Variants in PRRT3 observed in about 807,000 individuals in gnomAD.
The protein encoded by PRRT3 is proline rich transmembrane protein 3.
In PRRT3, 48 loss-of-function variants were observed where a neutral mutation model predicts 56.6. That is an observed-to-expected ratio of 0.85 (90% confidence interval 0.67 to 1.08). The LOEUF (loss-of-function observed/expected upper bound fraction) is 1.08, where lower values mean the gene tolerates loss of function less well. Among genes scored for constraint, PRRT3 ranks in the 50% least tolerant of loss-of-function variants. PRRT3 has a pLI of 0.00. For missense variants in PRRT3, 1,370 were observed against 1,353.1 expected, an observed-to-expected ratio of 1.01 and a Z score of -0.20; for synonymous variants, 641 against 619.1, an observed-to-expected ratio of 1.04 and a Z score of -0.52.
Position 9,946,074 on chromosome 3 carries a change from G to T in PRRT3, c.*153C>A. 8.5e-7 allele frequency: 1 copy of T among 1,171,994 alleles called. No homozygotes were observed. The highest frequency in any genetic ancestry group is 1.2e-6 in the Non-Finnish European group (1 of 863,246). 72.6% of individuals were successfully genotyped at this position (1,171,994 alleles called of 1,614,324 possible). On this transcript the variant is annotated 3_prime_UTR_variant, in exon 4 of 4. Transcript: ENST00000412055. The surrounding 1 kb of genome is among the most constrained non-coding windows in gnomAD (Gnocchi z 4.1). ...GCTGATCTCGAACTCCTGACCTCGTGTTCCACCCACCTCGGCCTCCCAAAG... is the reference window on the plus strand; with the variant it reads ...GCTGATCTCGAACTCCTGACCTCGTTTTCCACCCACCTCGGCCTCCCAAAG...
At chr3:9,951,546 C>T (rs923153082) in intron 1 of PRRT3, among the ~76,000 whole-genome samples, 7 of 152,222 alleles carry the variant, frequency 4.6e-5, no homozygotes, top group Non-Finnish European at 1.0e-4. Context: ...ATTTCTCAAA[C>T]ATTCACGGAG....
In PRRT3 at chr3:9,946,623, C is replaced by G; in HGVS notation, c.2550G>C (p.Pro850=). Residue 850 remains proline (P), a synonymous_variant, in exon 4 of 4, where the codon CCG becomes CCC. Transcript: ENST00000412055. This position sits in a 1 kb window ranked among gnomAD's most constrained non-coding sequence, Gnocchi z 4.1. ...CGGCTTTGGGATGGCTGCCCCGGCG[C>G]GGCCGCAGAGCGCCTCCAGGCGGCG... ...ASPPPGGALR[P]RRGSHPKAEL... 1 of 1,393,650 alleles carries G rather than the reference C, an allele frequency of 7.2e-7. No individual in the cohort carries two copies. The highest frequency in any genetic ancestry group is 9.2e-7 in the Non-Finnish European group (1 of 1,082,620). The allele number at this position is 1,393,650 out of a possible 1,614,324, so 86.3% of individuals were successfully genotyped here.
chr3:9,948,266 C>T, intron 3 of PRRT3: 1 of 376,622 alleles, frequency 2.7e-6, no homozygotes, highest in Non-Finnish European at 4.7e-6. Context: ...ACATGGGCTG[C>T]ATATTAGAAT....
chr3:9,945,936 C>A lies in PRRT3; in HGVS notation c.*291G>T. 1 of 242,770 alleles carries A rather than the reference C, an allele frequency of 4.1e-6. No homozygotes were observed. The highest frequency in any genetic ancestry group is 7.8e-6 in the Non-Finnish European group (1 of 128,172). The allele number at this position is 242,770 out of a possible 1,614,324, so 15.0% of individuals were successfully genotyped here. ...TGCAACCTCTGCCTCCCTGTTCAAG[C>A]AATTCTCCCGCCTCAGCCTCCCGAG... On this transcript the variant is annotated 3_prime_UTR_variant, in exon 4 of 4. Transcript: ENST00000412055.
At position 9,947,537 on chromosome 3, in the gene PRRT3, G is replaced by T. The variant is rs2085547907; in HGVS notation, c.1636C>A (p.Pro546Thr). Residue 546 changes from proline (P) to threonine (T), a missense_variant, in exon 4 of 4, where the codon CCC becomes ACC. By Grantham distance (38) the Pro-to-Thr change is conservative. Transcript: ENST00000412055. This position sits in a 1 kb window ranked among gnomAD's most constrained non-coding sequence, Gnocchi z 9.2. ...GGLVLYNLPF[P>T]LLLTALAALT... ...GCTGCCAGCGCCGTAAGCAGCAAGG[G>T]GAAGGGCAGGTTGTAGAGCACCAGG... is the stretch of plus-strand genomic sequence containing the variant. 1 of 1,611,460 alleles carries T rather than the reference G, an allele frequency of 6.2e-7. No individual in the cohort carries two copies. Among genetic ancestry groups the T allele is most frequent in the Admixed American group, 1.7e-5 (1 of 59,958 alleles).
In PRRT3 at chr3:9,947,480, G is replaced by A; in HGVS notation, c.1693C>T (p.Pro565Ser). The change falls in exon 4 of 4, where the codon CCG becomes TCG. Residue 565 changes from proline to serine, a missense_variant. Pro to Ser is a moderately conservative substitution (Grantham distance 74, BLOSUM62 -1). Coordinates refer to ENST00000412055, the MANE Select transcript of PRRT3 (RefSeq NM_207351.5). This position sits in a 1 kb window ranked among gnomAD's most constrained non-coding sequence, Gnocchi z 9.2. ...AGGAGTGGGTTTTGCAGCGGTGGCGGCAGCCCCGCGCCCAGGCCGAGCAGA... is the reference window on the plus strand; with the variant it reads ...AGGAGTGGGTTTTGCAGCGGTGGCGACAGCCCCGCGCCCAGGCCGAGCAGA... ...LTLLGLGAGL[P>S]PPLQNPLLLG... 2.5e-6 allele frequency: 4 copies of A among 1,612,268 alleles called. No homozygotes were observed. Among genetic ancestry groups the A allele is most frequent in the Non-Finnish European group, 3.4e-6 (4 of 1,179,628 alleles).
rs376347886 is a variant in PRRT3 at position 9,949,534 on chromosome 3, G to T, written c.582C>A (p.Ser194Arg). 1.4e-5 allele frequency: 22 copies of T among 1,613,968 alleles called. No individual in the cohort carries two copies. The African/African-American group carries it at 2.9e-4, about 22-fold the overall frequency. The change falls in exon 2 of 4, where the codon AGC (serine) becomes AGA (arginine). Residue 194 changes from serine (S) to arginine (R), a missense_variant. Ser to Arg is a moderately radical substitution (Grantham distance 110). Coordinates refer to ENST00000412055, the MANE Select transcript of PRRT3 (RefSeq NM_207351.5). This position sits in a 1 kb window ranked among gnomAD's most constrained non-coding sequence, Gnocchi z 4.5. ...RDEGLKAKTK[S>R]RVPPTSPSDH... is the part of the protein sequence containing the mutation. The stretch of plus-strand genomic sequence containing the variant: ...CTGAGGGAGAAGTGGGTGGGACCCT[G>T]CTCTTAGTTTTGGCCTTCAGACCCT...
chr3:9,947,235 C>T lies in PRRT3; in HGVS notation c.1938G>A (p.Leu646=), dbSNP rs1326672992. The T allele has an allele frequency of 6.7e-7, 1 of 1,492,554 alleles. No homozygotes were observed. The highest frequency in any genetic ancestry group is 2.2e-5 in the Admixed American group (1 of 44,762). 92.5% of individuals were successfully genotyped at this position (1,492,554 alleles called of 1,614,324 possible). Reference sequence around the variant, plus strand: ...GCTGCAAGCCGCTAGCCAGCAGCCCCAGCGCGCCCGCCACAGCCAACAGCC... The same window carrying T: ...GCTGCAAGCCGCTAGCCAGCAGCCCTAGCGCGCCCGCCACAGCCAACAGCC... ...GPRLLAVAGA[L]GLLASGLQLA... is the part of the protein sequence containing the mutation. The change falls in exon 4 of 4, where the codon CTG becomes CTA. Residue 646 remains leucine (L), a synonymous_variant. Coordinates refer to ENST00000412055, the MANE Select transcript of PRRT3 (RefSeq NM_207351.5). This position sits in a 1 kb window ranked among gnomAD's most constrained non-coding sequence, Gnocchi z 9.2.
chr3:9,948,126 C>A, intron 3 of PRRT3, 125 bp from the exon 4 acceptor site: 2 of 1,019,814 alleles, frequency 2.0e-6, no homozygotes. Flanking sequence ...ATAACAGCAC[C>A]TGCCTCATTG....
At position 9,946,542 on chromosome 3, in the gene PRRT3, GTCGCTGAGCGAC is replaced by G; in HGVS notation, c.2619_2630del (p.Arg873_Asp877delinsSer). ...GTGGGACCGGCCCGCGCACGCGCAC[GTCGCTGAGCGAC>G]CTGCAGCGGCCGCGGAGGAGCGAGG... On this transcript the variant is annotated inframe_deletion, in exon 4 of 4. Transcript: ENST00000412055. This position sits in a 1 kb window ranked among gnomAD's most constrained non-coding sequence, Gnocchi z 4.1. 6.9e-7 allele frequency: 1 copy of G among 1,446,212 alleles called. No homozygotes were observed. Among genetic ancestry groups the G allele is most frequent in the Non-Finnish European group, 9.1e-7 (1 of 1,097,670 alleles). 89.6% of individuals were successfully genotyped at this position (1,446,212 alleles called of 1,614,324 possible).
At chr3:9,951,444 G>T (rs560129586) in intron 1 of PRRT3, among the ~76,000 whole-genome samples, 1 of 152,314 alleles carries the variant, frequency 6.6e-6, no homozygotes, top group African/African-American at 2.4e-5. Context: ...CAGGCTCACC[G>T]AAAGTTGTGA....
rs375746344 is a variant in PRRT3 at position 9,949,069 on chromosome 3, G to A, written c.1015+32C>T. 1.2e-5 allele frequency: 18 copies of A among 1,552,734 alleles called. No individual in the cohort carries two copies. Among genetic ancestry groups the A allele is most frequent in the Non-Finnish European group, 1.2e-5 (14 of 1,155,978 alleles). On this transcript the variant is annotated intron_variant, in intron 2 of 3. Transcript: ENST00000412055. This position sits in a 1 kb window ranked among gnomAD's most constrained non-coding sequence, Gnocchi z 4.5. ...AGAATTGAGGCATCCAGCTGCCCCA[G>A]AACATCGCTCAGCACACTCATTGAT...
In PRRT3 at chr3:9,946,290, C is replaced by T. The variant is rs1391268747; in HGVS notation, c.2883G>A (p.Glu961=). 2 of 1,612,740 alleles carry T rather than the reference C, an allele frequency of 1.2e-6. No homozygotes were observed. The highest frequency in any genetic ancestry group is 1.7e-6 in the Non-Finnish European group (2 of 1,179,866). ...TAARQGDGQG[E]VQPRGKPGES... ...CCCCAGGCTTGCCGCGCGGCTGGAC[C>T]TCTCCCTGGCCGTCCCCCTGCCGAG... Residue 961 remains glutamate, a synonymous_variant, in exon 4 of 4, where the codon GAG becomes GAA. Coordinates refer to ENST00000412055, the MANE Select transcript of PRRT3 (RefSeq NM_207351.5). This position sits in a 1 kb window ranked among gnomAD's most constrained non-coding sequence, Gnocchi z 4.1.
rs1411920297 is a variant in PRRT3, at chr3:9,946,556, T to G, written c.2617A>C (p.Arg873=). ...AGSSLLRGRC[R]SLSDVRVRGP... ...CGCACGCGCACGTCGCTGAGCGACCTGCAGCGGCCGCGGAGGAGCGAGGAG... is the reference window on the plus strand; with the variant it reads ...CGCACGCGCACGTCGCTGAGCGACCGGCAGCGGCCGCGGAGGAGCGAGGAG... Residue 873 remains arginine (R), a synonymous_variant, in exon 4 of 4, where the codon AGG becomes CGG. Coordinates refer to ENST00000412055, the MANE Select transcript of PRRT3 (RefSeq NM_207351.5). The surrounding 1 kb of genome is among the most constrained non-coding windows in gnomAD (Gnocchi z 4.1). 17 of 1,427,046 alleles carry G rather than the reference T, an allele frequency of 1.2e-5. No homozygotes were observed. The highest frequency in any genetic ancestry group is 7.5e-5 in the South Asian group (5 of 67,082). 88.4% of individuals were successfully genotyped at this position (1,427,046 alleles called of 1,614,324 possible).
chr3:9,951,531 A>G (rs943091217), intron 1 of PRRT3, among the ~76,000 whole-genome samples: 1 of 152,216 alleles, frequency 6.6e-6, no homozygotes, highest in Non-Finnish European at 1.5e-5. Flanking sequence ...AAGCCTTGTT[A>G]GTTCATTTCT....
chr3:9,948,547 C>G (rs748986736), intron 3 of PRRT3: 1 of 606,052 alleles, frequency 1.7e-6, no homozygotes, highest in Middle Eastern at 3.8e-4. Flanking sequence ...TTAGAACATT[C>G]TAGCCCCAAA....
chr3:9,949,121 G>C lies in PRRT3; in HGVS notation c.995C>G (p.Pro332Arg), dbSNP rs2085577339. Residue 332 changes from proline to arginine, a missense_variant, in exon 2 of 4, where the codon CCT becomes CGT. By Grantham distance (103) the Pro-to-Arg change is moderately radical. Transcript: ENST00000412055. This position sits in a 1 kb window ranked among gnomAD's most constrained non-coding sequence, Gnocchi z 4.5. ...QPTDPPASEA[P>R]DRPSKPERAA... is the part of the protein sequence containing the mutation. ...CCCACCTGGCTTAGACGGCCGATCA[G>C]GAGCCTCTGAGGCGGGTGGATCCGT... 1 of 1,608,494 alleles carries C rather than the reference G, an allele frequency of 6.2e-7. No individual in the cohort carries two copies. The highest frequency in any genetic ancestry group is 8.5e-7 in the Non-Finnish European group (1 of 1,178,466).
chr3:9,949,301 A>C lies in PRRT3; in HGVS notation c.815T>G (p.Leu272Trp), dbSNP rs767659086. ...AGGAGGAAGGCTTCTGGCCAATGCC[A>C]AGTCTGGCTGGGCCCCTGGCTCCTG... ...YSQEPGAQPDLALARSLPPAE... is the reference protein window; with the variant it reads ...YSQEPGAQPDWALARSLPPAE... The change falls in exon 2 of 4, where the codon TTG becomes TGG. Residue 272 changes from leucine to tryptophan, a missense_variant. By Grantham distance (61) the Leu-to-Trp change is moderately conservative. Coordinates refer to ENST00000412055, the MANE Select transcript of PRRT3 (RefSeq NM_207351.5). The surrounding 1 kb of genome is among the most constrained non-coding windows in gnomAD (Gnocchi z 4.5). 2.5e-6 allele frequency: 4 copies of C among 1,612,586 alleles called. No homozygotes were observed. The Admixed American group carries it at 5.0e-5, about 20-fold the overall frequency.
At chr3:9,948,552 C>A (rs1199846546) in intron 3 of PRRT3, 1 of 615,584 alleles carries the variant, frequency 1.6e-6, no homozygotes. Context: ...ACATTCTAGC[C>A]CCAAAAGGGC....
Sources: allele counts gnomAD v4.1 joint callset (sites outside exome capture counted in the v4.1 genomes callset), GRCh38; gene constraint gnomAD v4.1.1; non-coding constraint Gnocchi (gnomAD v3.1); transcripts MANE v1.5; gene names NCBI Gene and HGNC (gene_info 2026-07-23, HGNC 2026-07-21).